The following PLCH2 variants were observed in gnomAD, a reference collection of about 807,000 sequenced individuals.
PLCH2 encodes 1-phosphatidylinositol 4,5-bisphosphate phosphodiesterase eta-2.
In PLCH2, 98 loss-of-function variants were observed where a neutral mutation model predicts 134.7. The observed-to-expected ratio is 0.73, with a 90% CI of 0.62 to 0.86. The LOEUF is 0.86. Ranked by LOEUF, PLCH2 falls within the 40% of genes least tolerant of loss-of-function variation. The pLI is 0.00. For missense variants in PLCH2, 1,994 were observed against 1,986.6 expected (o/e 1.00, Z -0.07); for synonymous variants, 974 against 827.5 (o/e 1.18, Z -3.04).
At chr1:2,443,674 A>T (rs1274231131) in intron 2 of PLCH2, among the ~76,000 whole-genome samples, 1 of 148,588 alleles carries the variant, frequency 6.7e-6, no homozygotes, top group Non-Finnish European at 1.5e-5. Context: ...CCCGCCGCGG[A>T]GCCCGCGCCC....
chr1:2,423,811 G>A (rs1365112606), upstream of PLCH2, among the ~76,000 whole-genome samples: 1 of 152,124 alleles, frequency 6.6e-6, no homozygotes, highest in South Asian at 2.1e-4. Context: ...ATGATCTTGG[G>A]ACGGGGTCTG....
upstream of PLCH2, among the ~76,000 whole-genome samples, chr1:2,424,335 G>A (rs1383914419): frequency 6.6e-6 from 1 of 151,998 alleles, no homozygotes; most frequent in African/African-American, 2.4e-5. Flanking sequence ...TACCCTTCCT[G>A]TCTAACTGAG....
intron 1 of PLCH2, among the ~76,000 whole-genome samples, chr1:2,426,564 C>A (rs545058742): frequency 1.3e-5 from 2 of 152,384 alleles, no homozygotes; most frequent in Admixed American, 6.5e-5. Context: ...CCCACGCTGA[C>A]CTAGGGCTGG....
chr1:2,430,013 C>G (rs1309260394), intron 1 of PLCH2, among the ~76,000 whole-genome samples: 1 of 152,212 alleles, frequency 6.6e-6, no homozygotes, highest in Non-Finnish European at 1.5e-5. Flanking sequence ...CACAGAGAAA[C>G]AGCTGGAGCA....
At chr1:2,421,495 C>T (rs931574221), upstream of PLCH2, among the ~76,000 whole-genome samples, 5 of 152,166 alleles carry the variant, frequency 3.3e-5, no homozygotes, top group African/African-American at 1.2e-4. Flanking sequence ...CTAATTATTT[C>T]TAGCTTACTG....
At chr1:2,441,060 G>A (rs771838052) in intron 2 of PLCH2, among the ~76,000 whole-genome samples, 2 of 152,170 alleles carry the variant, frequency 1.3e-5, no homozygotes, top group African/African-American at 2.4e-5. Context: ...GGCACTGCCC[G>A]CTCCAGGTGC....
At chr1:2,443,951 G>A (rs1465967680) in intron 2 of PLCH2, among the ~76,000 whole-genome samples, 1 of 152,008 alleles carries the variant, frequency 6.6e-6, no homozygotes, top group Admixed American at 6.6e-5. Flanking sequence ...AATGGACGCG[G>A]GAGCCGCCCC....
At chr1:2,434,699 C>T (rs1012187150) in intron 2 of PLCH2, among the ~76,000 whole-genome samples, 4 of 152,214 alleles carry the variant, frequency 2.6e-5, no homozygotes, top group African/African-American at 9.6e-5. Context: ...CCCCAGGCTG[C>T]CCGGGCTGCC....
intron 2 of PLCH2, among the ~76,000 whole-genome samples, chr1:2,453,242 A>G (rs1054596006): frequency 6.6e-6 from 1 of 151,812 alleles, no homozygotes; most frequent in Non-Finnish European, 1.5e-5. Context: ...TGTGCTCGAG[A>G]TGTGGTCTGT....
intron 20 of PLCH2, chr1:2,500,727 C>T (rs922098583): frequency 4.6e-5 from 7 of 152,130 alleles, no homozygotes; most frequent in African/African-American, 1.2e-4. Flanking sequence ...GTGGCATTTA[C>T]GAGGCAGATC....
chr1:2,482,455 C>T (rs367594353), intron 4 of PLCH2, among the ~76,000 whole-genome samples: 2 of 152,212 alleles, frequency 1.3e-5, no homozygotes, highest in South Asian at 2.1e-4. Context: ...CCTCACACCT[C>T]GCACCAGGCA....
In PLCH2 at chr1:2,450,467, C is replaced by T. The variant is rs572981024; in HGVS notation, c.115+19838C>T. On this transcript the variant is annotated intron_variant, in intron 2 of 3. Coordinates refer to the PLCH2 transcript ENST00000609981. ...AGCTCGTTACCAAGTGCCCCCAACTCGGCCTGCCTCCCTATTCAGCCTGCG... is the reference window on the plus strand; with the variant it reads ...AGCTCGTTACCAAGTGCCCCCAACTTGGCCTGCCTCCCTATTCAGCCTGCG... Among the ~76,000 whole-genome samples the T allele has an allele frequency of 2.1e-3, 325 of 151,562 alleles. 2 individuals are homozygous for T. Among genetic ancestry groups the T allele is most frequent in the African/African-American group, 7.1e-3 (293 of 41,258 alleles).
the PLCH2 span, among the ~76,000 whole-genome samples, chr1:2,418,965 C>T: frequency 6.6e-6 from 1 of 152,242 alleles, no homozygotes; most frequent in African/African-American, 2.4e-5. Context: ...CTTCCTACCA[C>T]TCCCCTACCC....
intron 15 of PLCH2, 51 bp downstream of exon 15, chr1:2,497,061 C>G: frequency 1.3e-6 from 2 of 1,564,088 alleles, no homozygotes; most frequent in Non-Finnish European, 1.7e-6. Flanking sequence ...TCGGCTCAGA[C>G]GGTCCCTGAA....
chr1:2,471,054 C>T (rs1273261079), intron 1 of PLCH2, among the ~76,000 whole-genome samples: 1 of 151,232 alleles, frequency 6.6e-6, no homozygotes, highest in Non-Finnish European at 1.5e-5. Context: ...GGGGGGGGCA[C>T]TCGCGGTGGG....
upstream of PLCH2, among the ~76,000 whole-genome samples, chr1:2,472,645 G>C (rs907746552): frequency 1.3e-5 from 2 of 152,226 alleles, no homozygotes; most frequent in Admixed American, 1.3e-4. Context: ...GCCGGGCCCA[G>C]GCACAGCCCT....
At chr1:2,485,601 G>T (rs914296635) in intron 5 of PLCH2, among the ~76,000 whole-genome samples, 2 of 151,890 alleles carry the variant, frequency 1.3e-5, no homozygotes, top group African/African-American at 4.8e-5. Context: ...CTCAGCCTGG[G>T]GGTGCTGCTT....
In PLCH2 at chr1:2,505,520, A is replaced by C; in HGVS notation, c.*307A>C. 2.4e-6 allele frequency: 1 copy of C among 412,326 alleles called. No individual in the cohort carries two copies. Among genetic ancestry groups the C allele is most frequent in the Non-Finnish European group, 4.3e-6 (1 of 230,272 alleles). 25.5% of individuals were successfully genotyped at this position (412,326 alleles called of 1,614,324 possible). A position where few individuals can be genotyped will look rare whatever the true frequency, so the allele number is the denominator to read the frequency against. On this transcript the variant is annotated 3_prime_UTR_variant, in exon 22 of 22. Coordinates refer to ENST00000378486, the MANE Select transcript of PLCH2 (RefSeq NM_014638.4). ...ACTTATACAACATTAAAATGATACCAAGTCCCTTTCCATTTTTACCTGGTT... is the reference window on the plus strand; with the variant it reads ...ACTTATACAACATTAAAATGATACCCAGTCCCTTTCCATTTTTACCTGGTT...
chr1:2,424,413 C>T (rs943950308), upstream of PLCH2, among the ~76,000 whole-genome samples: 1 of 152,180 alleles, frequency 6.6e-6, no homozygotes, highest in Admixed American at 6.5e-5. Context: ...AGCTTTCTAC[C>T]CTGCTTCTAT....
Sources: gnomAD v4.1 joint callset for allele counts (sites outside exome capture counted in the v4.1 genomes callset) on GRCh38, gnomAD v4.1.1 for gene constraint, MANE v1.5 for transcripts, NCBI Gene and HGNC (gene_info 2026-07-23, HGNC 2026-07-21) for gene names.